MYH8: variants seen among roughly 807,000 people sequenced by gnomAD.
MYH8 encodes the protein myosin heavy chain 8.
MYH8 carries 168 observed loss-of-function variants against 233.2 expected under a neutral mutation model. That is an observed-to-expected ratio of 0.72 (90% CI 0.64 to 0.82). The LOEUF is 0.82. Ranked by LOEUF, MYH8 falls within the 40% of genes least tolerant of loss-of-function variation. The pLI is 0.00. For synonymous variants in MYH8, 785 were observed against 850.6 expected (o/e 0.92, Z 1.34); for missense variants, 1,995 against 2,327.8 (o/e 0.86, Z 2.94).
chr17:10,409,831 G>A (rs552962385), intron 15 of MYH8, among the ~76,000 whole-genome samples: 1 of 152,070 alleles, frequency 6.6e-6, no homozygotes, highest in Non-Finnish European at 1.5e-5. Flanking sequence ...CCTCAACACC[G>A]CATGTTAAAA....
Position 10,417,239 on chromosome 17 carries a change from T to A in MYH8, c.511+1406A>T, listed in dbSNP as rs567074572. 6.6e-6 allele frequency among the ~76,000 whole-genome samples: 1 copy of A among 152,246 alleles called. No individual in the cohort carries two copies. Among genetic ancestry groups the A allele is most frequent in the African/African-American group, 2.4e-5 (1 of 41,452 alleles). Reference sequence around the variant, plus strand: ...CTGATTTGTTAAATCTCTAATTCTATAGTGTTAGATTATAGATTTTAGAGA... The same window carrying A: ...CTGATTTGTTAAATCTCTAATTCTAAAGTGTTAGATTATAGATTTTAGAGA... On this transcript the variant is annotated intron_variant, in intron 5 of 39. Transcript: ENST00000403437. The surrounding 1 kb of genome is among the most constrained non-coding windows in gnomAD (Gnocchi z 4.1).
chr17:10,414,947 T>C lies in MYH8; in HGVS notation c.805+169A>G, dbSNP rs2072276068. ...AGAATCATCAAGTCTGAGATTGAGA[T>C]AAAGGGAGCACTCAGTGGATTATGG... On this transcript the variant is annotated intron_variant, in intron 9 of 39. Transcript: ENST00000403437. Among the ~76,000 whole-genome samples, 3 of 152,178 alleles carry C rather than the reference T, an allele frequency of 2.0e-5. No homozygotes were observed. In the South Asian group the frequency reaches 6.2e-4, roughly 31 times the overall value.
At chr17:10,404,609 T>G (rs1323992630) in intron 21 of MYH8, 24 bp from the exon 22 acceptor site, 1 of 1,613,574 alleles carries the variant, frequency 6.2e-7, no homozygotes, top group South Asian at 1.1e-5. Context: ...AAAATATCAG[T>G]GTAGACTAAT....
Position 10,392,640 on chromosome 17 carries a change from C to T in MYH8, c.5470G>A (p.Glu1824Lys), listed in dbSNP as rs762594623. ...QIQKLEARVR[E>K]LEGEVENEQK... ...TCATTTTCAACCTCTCCTTCAAGCTCACGTACCTGCAGCCAAGAAAAATAC... is the reference window on the plus strand; with the variant it reads ...TCATTTTCAACCTCTCCTTCAAGCTTACGTACCTGCAGCCAAGAAAAATAC... Residue 1824 changes from glutamate to lysine, a missense_variant, in exon 38 of 40, where the codon GAG (glutamate) becomes AAG (lysine). By Grantham distance (56) the Glu-to-Lys change is moderately conservative. Transcript: ENST00000403437. 4 of 1,614,016 alleles carry T rather than the reference C, an allele frequency of 2.5e-6. No homozygotes were observed. Among genetic ancestry groups the T allele is most frequent in the South Asian group, 2.2e-5 (2 of 91,078 alleles).
intron 22 of MYH8, 22 bp from the exon 23 acceptor site, chr17:10,401,807 T>A (rs762882240): frequency 6.2e-7 from 1 of 1,614,160 alleles, no homozygotes; most frequent in East Asian, 2.2e-5. Context: ...TTCATTCAGA[T>A]ACTTAGAGTC....
At chr17:10,398,994 G>A (rs201581612) in intron 28 of MYH8, 108 bp from the exon 29 acceptor site, 265 of 312,094 alleles carry the variant, frequency 8.5e-4, no homozygotes, top group South Asian at 1.1e-3. Context: ...ATGTGTGTGT[G>A]TATATATATA....
In MYH8 at chr17:10,417,712, T is replaced by C. The variant is rs2072300999; in HGVS notation, c.511+933A>G. Reference sequence around the variant, plus strand: ...CTGAAATGAGCCAGCGTTTGGATAATTTCTGGGAGGTAGTTAGCTTCTGTT... The same window carrying C: ...CTGAAATGAGCCAGCGTTTGGATAACTTCTGGGAGGTAGTTAGCTTCTGTT... On this transcript the variant is annotated intron_variant, in intron 5 of 39. Coordinates refer to ENST00000403437, the MANE Select transcript of MYH8 (RefSeq NM_002472.3). This position sits in a 1 kb window ranked among gnomAD's most constrained non-coding sequence, Gnocchi z 4.1. 1.3e-5 allele frequency among the ~76,000 whole-genome samples: 2 copies of C among 152,176 alleles called. No individual in the cohort carries two copies. The highest frequency in any genetic ancestry group is 4.8e-5 in the African/African-American group (2 of 41,452).
In MYH8 at chr17:10,395,248, C is replaced by T. The variant is rs1356907051; in HGVS notation, c.4847G>A (p.Arg1616Lys). ...ATCTCCTTCCATTTTCTTCTTGACT[C>T]TCAGAGCATCATTTCTGCTTCTAAT... is the stretch of plus-strand genomic sequence containing the variant. ...AEIRSRNDAL[R>K]VKKKMEGDLN... Residue 1616 changes from arginine (R) to lysine (K), a missense_variant, in exon 34 of 40, where the codon AGA (arginine) becomes AAA (lysine). Physicochemically the swap from Arg to Lys is conservative, Grantham distance 26. Transcript: ENST00000403437. The T allele has an allele frequency of 1.2e-6, 2 of 1,614,186 alleles. No individual in the cohort carries two copies. The highest frequency in any genetic ancestry group is 3.3e-5 in the Admixed American group (2 of 60,024).
chr17:10,412,214 A>G (rs745708343), intron 14 of MYH8, among the ~76,000 whole-genome samples, 156 bp downstream of exon 14: 35 of 152,214 alleles, frequency 2.3e-4, no homozygotes, highest in Non-Finnish European at 4.6e-4. Flanking sequence ...TATTAGTAGT[A>G]CATTATGTTA....
chr17:10,403,061 G>A (rs978296840), intron 22 of MYH8, among the ~76,000 whole-genome samples: 3 of 152,110 alleles, frequency 2.0e-5, no homozygotes, highest in African/African-American at 7.2e-5. Context: ...AATGTGGAAA[G>A]TCTATGTTGA....
rs2072301181 is a variant in MYH8 at position 10,417,734 on chromosome 17, T to C, written c.511+911A>G. Among the ~76,000 whole-genome samples the C allele has an allele frequency of 6.6e-6, 1 of 152,208 alleles. No homozygotes were observed. Among genetic ancestry groups the C allele is most frequent in the Admixed American group, 6.5e-5 (1 of 15,274 alleles). ...TAATTTCTGGGAGGTAGTTAGCTTCTGTTGACAATCAAAGAACAGTTTACT... is the reference window on the plus strand; with the variant it reads ...TAATTTCTGGGAGGTAGTTAGCTTCCGTTGACAATCAAAGAACAGTTTACT... On this transcript the variant is annotated intron_variant, in intron 5 of 39. Transcript: ENST00000403437. The surrounding 1 kb of genome is among the most constrained non-coding windows in gnomAD (Gnocchi z 4.1).
chr17:10,409,351 C>T lies in MYH8; in HGVS notation c.1825G>A (p.Val609Ile), dbSNP rs768199968. ...KNKDPLNDTVVGLYQKSAMKT... is the reference protein window; with the variant it reads ...KNKDPLNDTVIGLYQKSAMKT... The stretch of plus-strand genomic sequence containing the variant: ...ATTGCAGACTTCTGGTACAGCCCAA[C>T]CACAGTATCATTCAGGGGGTCCTTA... The change falls in exon 16 of 40, where the codon GTT becomes ATT. Residue 609 changes from valine (V) to isoleucine (I), a missense_variant. By Grantham distance (29) the Val-to-Ile change is conservative. Transcript: ENST00000403437. 2 of 1,614,084 alleles carry T rather than the reference C, an allele frequency of 1.2e-6. No individual in the cohort carries two copies. Among genetic ancestry groups the T allele is most frequent in the Admixed American group, 1.7e-5 (1 of 60,008 alleles).
chr17:10,393,321 A>G, intron 35 of MYH8, 111 bp from the exon 36 acceptor site: 1 of 1,378,954 alleles, frequency 7.3e-7, no homozygotes, highest in Non-Finnish European at 1.0e-6. Context: ...ACATTTCACT[A>G]AACTTTAATT....
At chr17:10,407,512 C>G (rs2159056) in intron 17 of MYH8, among the ~76,000 whole-genome samples, 4 of 151,842 alleles carry the variant, frequency 2.6e-5, no homozygotes, top group Non-Finnish European at 5.9e-5. Flanking sequence ...GGACCTCTTA[C>G]CCTCTTGTTT....
rs1182360928 is a variant in MYH8, at chr17:10,398,658, C to T, written c.3982-18G>A. ...TTCTTGGCCTGCAGAAGTAGCAGTT[C>T]AGTGACATAAATTCATGTATTCAGT... On this transcript the variant is annotated intron_variant, in intron 29 of 39. Coordinates refer to ENST00000403437, the MANE Select transcript of MYH8 (RefSeq NM_002472.3). 3 of 1,614,032 alleles carry T rather than the reference C, an allele frequency of 1.9e-6. No individual in the cohort carries two copies. Among genetic ancestry groups the T allele is most frequent in the Middle Eastern group, 1.6e-4 (1 of 6,082 alleles).
rs968454745 is a variant in MYH8, at chr17:10,398,460, C to T, written c.4162G>A (p.Glu1388Lys). 9.9e-6 allele frequency: 16 copies of T among 1,613,856 alleles called. No individual in the cohort carries two copies. The highest frequency in any genetic ancestry group is 2.2e-5 in the South Asian group (2 of 91,076). ...YETDAIQRTE[E>K]LEEAKKKLAQ... ...AGCACATACTTGGCCTCCTCCAGCT[C>T]CTCTGTGCGCTGGATGGCATCCGTC... The change falls in exon 30 of 40, where the codon GAG becomes AAG. Residue 1388 changes from glutamate to lysine, a missense_variant. Physicochemically the swap from Glu to Lys is moderately conservative, Grantham distance 56 (BLOSUM62 1). Transcript: ENST00000403437.
chr17:10,414,183 T>G lies in MYH8; in HGVS notation c.1008+9A>C. ...TAATGGATTTTTAAAATTAGTGTTT[T>G]TGACTTACATCAGTGGCCATCAACT... On this transcript the variant is annotated intron_variant, in intron 11 of 39. Coordinates refer to ENST00000403437, the MANE Select transcript of MYH8 (RefSeq NM_002472.3). 6.2e-7 allele frequency: 1 copy of G among 1,613,406 alleles called. No homozygotes were observed. Among genetic ancestry groups the G allele is most frequent in the Non-Finnish European group, 8.5e-7 (1 of 1,179,308 alleles).
At position 10,396,573 on chromosome 17, in the gene MYH8, C is replaced by T; in HGVS notation, c.4508G>A (p.Arg1503Lys). 1 of 1,614,134 alleles carries T rather than the reference C, an allele frequency of 6.2e-7. No homozygotes were observed. The highest frequency in any genetic ancestry group is 1.7e-5 in the Admixed American group (1 of 60,022). Residue 1503 changes from arginine to lysine, a missense_variant, in exon 32 of 40, where the codon AGA (arginine) becomes AAA (lysine). Arg to Lys is a conservative substitution (Grantham distance 26, BLOSUM62 2). Around this residue, in one of 3 missense-constraint regions of MYH8, gnomAD observed 1,498 missense variants for 1,680.9 expected, o/e 0.89. Transcript: ENST00000403437. The surrounding 1 kb of genome is among the most constrained non-coding windows in gnomAD (Gnocchi z 4.2). ...ESLDQLETLR[R>K]ENKNLQQEIS... is the part of the protein sequence containing the mutation. ...CTCACGTTGCAAGTTCTTATTTTCTCTTCTTAGCGTTTCGAGTTGATCCAG... is the reference window on the plus strand; with the variant it reads ...CTCACGTTGCAAGTTCTTATTTTCTTTTCTTAGCGTTTCGAGTTGATCCAG...
rs2072193064 is a variant in MYH8 at position 10,406,339 on chromosome 17, C to T, written c.2230G>A (p.Ala744Thr). 6.2e-7 allele frequency: 1 copy of T among 1,613,222 alleles called. No homozygotes were observed. Among genetic ancestry groups the T allele is most frequent in the South Asian group, 1.1e-5 (1 of 91,040 alleles). The change falls in exon 20 of 40, where the codon GCT (alanine) becomes ACT (threonine). Residue 744 changes from alanine to threonine, a missense_variant. Around this residue, in one of 3 missense-constraint regions of MYH8, gnomAD observed 1,498 missense variants for 1,680.9 expected, o/e 0.89. Coordinates refer to ENST00000403437, the MANE Select transcript of MYH8 (RefSeq NM_002472.3). ...ATAGATGCAAGAAGTTTCTCAGAAG[C>T]CTTCTTGCTGTCAATGAACTGTCCC... ...PEGQFIDSKK[A>T]SEKLLASIDI... is the part of the protein sequence containing the mutation.
Sources: allele counts gnomAD v4.1 joint callset (sites outside exome capture counted in the v4.1 genomes callset), GRCh38; gene constraint gnomAD v4.1.1; regional missense constraint gnomAD v4.1.1; non-coding constraint Gnocchi (gnomAD v3.1); transcripts MANE v1.5; gene names NCBI Gene and HGNC (gene_info 2026-07-23, HGNC 2026-07-21).